Variants in DNAAF9 observed in about 807,000 individuals in gnomAD.
The protein encoded by DNAAF9 is shulin.
In DNAAF9, 90 loss-of-function variants were observed where a neutral mutation model predicts 167.0. The observed-to-expected ratio is 0.54, with a 90% CI of 0.45 to 0.64. The LOEUF (loss-of-function observed/expected upper bound fraction) is 0.64. Among genes scored for constraint, DNAAF9 ranks in the 30% least tolerant of loss-of-function variants. DNAAF9 has a pLI of 0.00. For synonymous variants in DNAAF9, 491 were observed against 508.8 expected (o/e 0.96, Z 0.47); for missense variants, 1,315 against 1,442.2 (o/e 0.91, Z 1.43).
chr20:3,326,244 C>G lies in DNAAF9; in HGVS notation c.1141G>C (p.Val381Leu). Residue 381 changes from valine (V) to leucine (L), a missense_variant, in exon 13 of 37, where the codon GTT (valine) becomes CTT (leucine). Val to Leu is a conservative substitution (Grantham distance 32, BLOSUM62 1). This residue lies in a region of DNAAF9 where 981 missense variants were observed against 1,012.5 expected (regional missense o/e 0.97). Transcript: ENST00000252032. ...SQIYAAVIEA[V>L]LAGIACYAKT... The stretch of plus-strand genomic sequence containing the variant: ...GCATAACATGCAATGCCAGCCAAAA[C>G]AGCCTCAATAACAGCAGCATATATC... 6.2e-7 allele frequency: 1 copy of G among 1,613,798 alleles called. No individual in the cohort carries two copies. The highest frequency in any genetic ancestry group is 1.3e-5 in the African/African-American group (1 of 75,050).
Position 3,381,504 on chromosome 20 carries a change from AG to A in DNAAF9, c.164-7del. The A allele has an allele frequency of 1.9e-6, 3 of 1,612,954 alleles. No individual in the cohort carries two copies. On this transcript the variant is annotated splice_region_variant and splice_polypyrimidine_tract_variant and intron_variant, in intron 2 of 36. Transcript: ENST00000252032. ...ATTGTACCTGCTATCGATTCCTGCA[AG>A]GCAAAGGAGGCTCTGATCAGCTGTA...
At chr20:3,347,419 G>A (rs191143762) in intron 8 of DNAAF9, among the ~76,000 whole-genome samples, 19 of 152,258 alleles carry the variant, frequency 1.2e-4, no homozygotes, top group Admixed American at 2.0e-4. Flanking sequence ...TCAAGGAGAA[G>A]GATGCCAAGG....
chr20:3,288,225 G>A (rs928626121), intron 26 of DNAAF9, among the ~76,000 whole-genome samples: 5 of 152,192 alleles, frequency 3.3e-5, no homozygotes, highest in East Asian at 1.9e-4. Flanking sequence ...CGAGGCGGGC[G>A]GATCACCTGA....
At chr20:3,357,199 T>C (rs1266351324) in intron 7 of DNAAF9, among the ~76,000 whole-genome samples, 2 of 152,118 alleles carry the variant, frequency 1.3e-5, no homozygotes, top group African/African-American at 2.4e-5. Flanking sequence ...AGGCCAGGTG[T>C]GGTGGCTCAG....
intron 16 of DNAAF9, among the ~76,000 whole-genome samples, chr20:3,321,154 C>T (rs1403895087): frequency 6.6e-6 from 1 of 152,212 alleles, no homozygotes; most frequent in Non-Finnish European, 1.5e-5. Context: ...TACTCTACTT[C>T]ATGGCAGACC....
chr20:3,383,004 G>T (rs1401320128), intron 1 of DNAAF9, among the ~76,000 whole-genome samples: 1 of 152,086 alleles, frequency 6.6e-6, no homozygotes. Flanking sequence ...ATCCATATAG[G>T]GAGTGTCAGC....
intron 31 of DNAAF9, among the ~76,000 whole-genome samples, chr20:3,261,755 T>C (rs1020743944): frequency 1.1e-5 from 1 of 93,496 alleles, no homozygotes; most frequent in African/African-American, 5.1e-5. Context: ...AAGAAGGTAG[T>C]AGGCATAAGA....
At chr20:3,254,792 G>C (rs1259922755) in intron 35 of DNAAF9, among the ~76,000 whole-genome samples, 2 of 152,176 alleles carry the variant, frequency 1.3e-5, no homozygotes, top group East Asian at 3.9e-4. Flanking sequence ...CTGGAGGCTG[G>C]GAGGCTCATC....
At chr20:3,393,545 A>T (rs1027727616) in intron 1 of DNAAF9, among the ~76,000 whole-genome samples, 36 of 152,162 alleles carry the variant, frequency 2.4e-4, no homozygotes, top group Admixed American at 2.0e-3. Context: ...AAATAAATCA[A>T]ATAAAACTGT....
intron 6 of DNAAF9, chr20:3,362,290 G>A (rs1213507062): frequency 8.5e-7 from 1 of 1,179,526 alleles, no homozygotes; most frequent in Non-Finnish European, 1.2e-6. Context: ...GAAATTGCAA[G>A]GGACTTTTAC....
chr20:3,340,433 T>TCCGGGGGGGGGGGCCCCCCCCCCC, intron 10 of DNAAF9, 71 bp downstream of exon 10: 2 of 221,214 alleles, frequency 9.0e-6, no homozygotes, highest in Admixed American at 5.6e-5. Flanking sequence ...TTTGTCTAGC[T>TCCGGGGGGGGGGGCCCCCCCCCCC]CCCCCCACCC....
intron 1 of DNAAF9, among the ~76,000 whole-genome samples, chr20:3,385,879 T>C (rs1290789266): frequency 2.0e-5 from 3 of 152,348 alleles, no homozygotes; most frequent in East Asian, 3.9e-4. Flanking sequence ...AGACATACCA[T>C]GTTCATGGAT....
intron 29 of DNAAF9, among the ~76,000 whole-genome samples, chr20:3,276,239 A>G (rs1350800631): frequency 6.6e-6 from 1 of 152,154 alleles, no homozygotes; most frequent in Non-Finnish European, 1.5e-5. Context: ...GGAGAAAAGA[A>G]ATACTTGCCT....
chr20:3,394,030 TTCA>T (rs2083865357), intron 1 of DNAAF9, among the ~76,000 whole-genome samples: 1 of 152,174 alleles, frequency 6.6e-6, no homozygotes, highest in Non-Finnish European at 1.5e-5. Context: ...ATTTACATAT[TTCA>T]TCATATTTTA....
chr20:3,270,414 A>ATCTATAGAT lies in DNAAF9; in HGVS notation c.2786+4_2786+12dup. Reference sequence around the variant, plus strand: ...GAAAGCAACTGGTCTTGCAGAGTGAATCTATAGATTACCTGGTGACAATCC... The same window carrying ATCTATAGAT: ...GAAAGCAACTGGTCTTGCAGAGTGAATCTATAGATTCTATAGATTACCTGGTGACAATCC... On this transcript the variant is annotated intron_variant, in intron 30 of 36. Coordinates refer to ENST00000252032, the MANE Select transcript of DNAAF9 (RefSeq NM_001009984.3). 8 of 1,612,198 alleles carry ATCTATAGAT rather than the reference A, an allele frequency of 5.0e-6. No individual in the cohort carries two copies. Among genetic ancestry groups the ATCTATAGAT allele is most frequent in the African/African-American group, 2.7e-5 (2 of 75,006 alleles).
At chr20:3,316,883 T>C (rs918682087) in intron 17 of DNAAF9, 90 bp from the exon 18 acceptor site, 3 of 586,894 alleles carry the variant, frequency 5.1e-6, no homozygotes, top group African/African-American at 2.0e-5. Flanking sequence ...TCTCAGGAGC[T>C]AGGGTTCTTT....
At chr20:3,311,307 ATTTT>A (rs11476401) in intron 20 of DNAAF9, among the ~76,000 whole-genome samples, 1 of 148,564 alleles carries the variant, frequency 6.7e-6, no homozygotes, top group Non-Finnish European at 1.5e-5. Context: ...TGCCTGGCTA[ATTTT>A]TTTTTTTTGG....
intron 1 of DNAAF9, among the ~76,000 whole-genome samples, chr20:3,407,248 G>T (rs963078940): frequency 7.2e-5 from 11 of 152,110 alleles, no homozygotes; most frequent in East Asian, 3.9e-4. Context: ...GGTTGTCTGT[G>T]GGGGAGCCAT....
intron 1 of DNAAF9, among the ~76,000 whole-genome samples, chr20:3,398,063 G>C (rs2083935394): frequency 6.6e-6 from 1 of 152,106 alleles, no homozygotes; most frequent in African/African-American, 2.4e-5. Context: ...ATTTATCCAG[G>C]TGCAAGTCAG....
Sources: allele counts gnomAD v4.1 joint callset (sites outside exome capture counted in the v4.1 genomes callset), GRCh38; gene constraint gnomAD v4.1.1; regional missense constraint gnomAD v4.1.1; transcripts MANE v1.5; gene names NCBI Gene and HGNC (gene_info 2026-07-23, HGNC 2026-07-21).